The following HLCS variants were observed in gnomAD, a reference collection of about 807,000 sequenced individuals.
The protein encoded by HLCS is biotin--protein ligase.
Under a neutral mutation model 75.0 loss-of-function variants are expected in HLCS, and 53 were observed. The observed-to-expected ratio is 0.71, with a 90% CI of 0.57 to 0.89. The LOEUF (loss-of-function observed/expected upper bound fraction) is 0.89. Ranked by LOEUF, HLCS falls within the 40% of genes least tolerant of loss-of-function variation. The pLI is 0.00. For synonymous variants in HLCS, 431 were observed against 428.6 expected, an observed-to-expected ratio of 1.01 and a Z score of -0.07; for missense variants, 966 against 1,074.0, an observed-to-expected ratio of 0.90 and a Z score of 1.41.
At chr21:36,967,254 T>C (rs972558368), upstream of HLCS, among the ~76,000 whole-genome samples, 1 of 152,164 alleles carries the variant, frequency 6.6e-6, no homozygotes, top group Non-Finnish European at 1.5e-5. Context: ...TTTTATTAAA[T>C]TATACTAAGC....
intron 10 of HLCS, among the ~76,000 whole-genome samples, chr21:36,755,521 T>C (rs1340373921): frequency 6.6e-6 from 1 of 152,268 alleles, no homozygotes; most frequent in Non-Finnish European, 1.5e-5. Flanking sequence ...GCATTAACTA[T>C]GACCACTCAA....
At chr21:36,859,307 C>A (rs1289034749) in intron 6 of HLCS, among the ~76,000 whole-genome samples, 1 of 152,242 alleles carries the variant, frequency 6.6e-6, no homozygotes, top group Admixed American at 6.5e-5. Flanking sequence ...AGGCGTGAGC[C>A]ACCATGCCTG....
chr21:36,788,744 A>C (rs939159699), intron 6 of HLCS, among the ~76,000 whole-genome samples: 1 of 152,220 alleles, frequency 6.6e-6, no homozygotes, highest in Non-Finnish European at 1.5e-5. Context: ...ACTTTTACTG[A>C]GGATGAATAA....
chr21:36,869,620 T>C (rs1472941501), intron 6 of HLCS, among the ~76,000 whole-genome samples: 2 of 152,226 alleles, frequency 1.3e-5, no homozygotes, highest in Non-Finnish European at 2.9e-5. Flanking sequence ...AATTTCATGA[T>C]ACACGGAGAA....
chr21:36,838,389 T>C (rs1246302223), intron 6 of HLCS, among the ~76,000 whole-genome samples: 1 of 151,130 alleles, frequency 6.6e-6, no homozygotes, highest in Non-Finnish European at 1.5e-5. Context: ...GGAAAAAGGG[T>C]CTTTGCAGAT....
At chr21:36,976,214 G>A (rs1311157473) in intron 1 of HLCS, among the ~76,000 whole-genome samples, 1 of 152,118 alleles carries the variant, frequency 6.6e-6, no homozygotes, top group Non-Finnish European at 1.5e-5. Context: ...TGAACAGGCC[G>A]GGATTGTCCC....
intron 2 of HLCS, chr21:36,948,295 A>G (rs969666935): frequency 6.6e-6 from 1 of 151,492 alleles, no homozygotes; most frequent in Non-Finnish European, 1.5e-5. Flanking sequence ...CGTCTAGAAA[A>G]AAAAAAAAAA....
intron 2 of HLCS, among the ~76,000 whole-genome samples, chr21:36,953,905 T>A (rs1283998931): frequency 6.6e-6 from 1 of 151,840 alleles, no homozygotes; most frequent in Non-Finnish European, 1.5e-5. Flanking sequence ...ACAATGGAGG[T>A]AAAAAATTCC....
intron 6 of HLCS, among the ~76,000 whole-genome samples, chr21:36,857,992 A>G (rs866405058): frequency 2.0e-5 from 3 of 151,858 alleles, no homozygotes; most frequent in Non-Finnish European, 4.4e-5. Context: ...GTTTCACCAT[A>G]TTGGCCAGGC....
intron 6 of HLCS, among the ~76,000 whole-genome samples, chr21:36,793,841 C>A (rs1002769738): frequency 3.9e-5 from 6 of 152,166 alleles, no homozygotes; most frequent in African/African-American, 1.2e-4. Flanking sequence ...TGTCCCTTTA[C>A]GGCCAAGAGA....
At chr21:36,937,450 A>G (rs2146530060) in intron 3 of HLCS, 58 bp from the exon 4 acceptor site, 1 of 1,389,888 alleles carries the variant, frequency 7.2e-7, no homozygotes, top group East Asian at 2.3e-5. Context: ...TGTATGACAC[A>G]TAGCTCATCT....
chr21:36,915,880 G>A (rs1366344030), intron 5 of HLCS, among the ~76,000 whole-genome samples: 1 of 152,012 alleles, frequency 6.6e-6, no homozygotes, highest in East Asian at 1.9e-4. Context: ...CTGCCGGCCT[G>A]TCCCTGGGGT....
chr21:36,966,975 T>G (rs1243812837), upstream of HLCS, among the ~76,000 whole-genome samples: 3 of 130,342 alleles, frequency 2.3e-5, no homozygotes, highest in Non-Finnish European at 3.3e-5. Context: ...CTCGAGGGAG[T>G]GGAGGCCGGG....
At chr21:36,917,245 C>G (rs1409567479) in intron 5 of HLCS, among the ~76,000 whole-genome samples, 1 of 152,158 alleles carries the variant, frequency 6.6e-6, no homozygotes, top group African/African-American at 2.4e-5. Flanking sequence ...CATAAAGAAT[C>G]AAAAAGCAAA....
At chr21:36,845,234 GGCC>G (rs1314838764) in intron 6 of HLCS, among the ~76,000 whole-genome samples, 3 of 151,990 alleles carry the variant, frequency 2.0e-5, no homozygotes, top group African/African-American at 7.3e-5. Flanking sequence ...GCTCACAGCC[GGCC>G]ACTCGGCCCC....
At position 36,780,621 on chromosome 21, in the gene HLCS, A is replaced by G. The variant is rs145287784; in HGVS notation, c.1893-13336T>C. Among the ~76,000 whole-genome samples, 730 of 152,314 alleles carry G rather than the reference A, an allele frequency of 4.8e-3. 7 individuals are homozygous for G. Among genetic ancestry groups the G allele is most frequent in the African/African-American group, 0.017 (695 of 41,558 alleles). On this transcript the variant is annotated intron_variant, in intron 6 of 10. Transcript: ENST00000674895. ...GCATTTAGGTAGTTCCTAAAAGGAC[A>G]GTATAATGAACACTCTTATTCGCAT... is the stretch of plus-strand genomic sequence containing the variant.
chr21:36,981,646 C>T (rs1407888931), intron 1 of HLCS, among the ~76,000 whole-genome samples: 1 of 152,058 alleles, frequency 6.6e-6, no homozygotes, highest in Non-Finnish European at 1.5e-5. Flanking sequence ...GTGATCCACC[C>T]ACCTCAGCCT....
intron 6 of HLCS, among the ~76,000 whole-genome samples, chr21:36,885,638 T>TA (rs1229288800): frequency 5.3e-5 from 8 of 152,202 alleles, no homozygotes; most frequent in African/African-American, 1.9e-4. Flanking sequence ...ACACAAAGTT[T>TA]AAATAATAAT....
At chr21:36,926,978 T>C (rs2066436900) in intron 5 of HLCS, among the ~76,000 whole-genome samples, 1 of 152,242 alleles carries the variant, frequency 6.6e-6, no homozygotes, top group South Asian at 2.1e-4. Flanking sequence ...ATTCCTGGGC[T>C]TGAGCGATCC....
Sources: allele counts gnomAD v4.1 joint callset (sites outside exome capture counted in the v4.1 genomes callset), GRCh38; gene constraint gnomAD v4.1.1; transcripts MANE v1.5; gene names NCBI Gene and HGNC (gene_info 2026-07-23, HGNC 2026-07-21).